Variants in CSNK1A1 observed in about 807,000 individuals in gnomAD.
CSNK1A1 encodes the protein casein kinase 1 alpha 1, also known as casein kinase I isoform alpha.
A neutral mutation model predicts 46.1 loss-of-function variants in CSNK1A1; 7 were observed. The ratio of observed to expected loss-of-function variants is 0.15; its 90% CI spans 0.09 to 0.29. The LOEUF (loss-of-function observed/expected upper bound fraction) is 0.29, where lower values mean the gene tolerates loss of function less well. Ranked by LOEUF, CSNK1A1 falls within the 10% of genes least tolerant of loss-of-function variation. CSNK1A1 has a pLI of 1.00. For missense variants in CSNK1A1, 96 were observed against 417.1 expected, an observed-to-expected ratio of 0.23 and a Z score of 6.71; for synonymous variants, 137 against 141.5, an observed-to-expected ratio of 0.97 and a Z score of 0.23.
chr5:149,511,524 T>C (rs1761223621), intron 6 of CSNK1A1, among the ~76,000 whole-genome samples: 1 of 152,224 alleles, frequency 6.6e-6, no homozygotes, highest in South Asian at 2.1e-4. Flanking sequence ...TCTTAGTCCA[T>C]GCCCACTTCC....
intron 9 of CSNK1A1, chr5:149,499,039 G>A: frequency 1.0e-6 from 1 of 985,412 alleles, no homozygotes; most frequent in Non-Finnish European, 1.2e-6. Flanking sequence ...TCAATGGTAT[G>A]ACATTCCAGC....
rs1448291097 is a variant in CSNK1A1 at position 149,550,525 on chromosome 5, AAC to A, written c.123+315_123+316del. ...TAGAATTAAGAATTAAAAAAAAAAA[AAC>A]ATGGGAATCACTGAAAGAGGATTTT... On this transcript the variant is annotated intron_variant, in intron 1 of 9. Transcript: ENST00000377843. This position sits in a 1 kb window ranked among gnomAD's most constrained non-coding sequence, Gnocchi z 4.3. Among the ~76,000 whole-genome samples, 736 of 152,048 alleles carry A rather than the reference AAC, an allele frequency of 4.8e-3. 6 individuals are homozygous for A. Among genetic ancestry groups the A allele is most frequent in the African/African-American group, 0.017 (708 of 41,458 alleles).
Position 149,496,634 on chromosome 5 carries a change from T to G in CSNK1A1, c.*219A>C. 4.4e-6 allele frequency: 2 copies of G among 458,812 alleles called. No homozygotes were observed. The highest frequency in any genetic ancestry group is 7.4e-6 in the Non-Finnish European group (2 of 271,950). 28.4% of individuals were successfully genotyped at this position (458,812 alleles called of 1,614,324 possible). On this transcript the variant is annotated 3_prime_UTR_variant, in exon 10 of 10. Coordinates refer to ENST00000377843, the MANE Select transcript of CSNK1A1 (RefSeq NM_001892.6). ...GAAAACCGGACACCATGTTTCACTA[T>G]CTCAGTTAATATTCACAATTACAGA...
chr5:149,511,901 T>TG lies in CSNK1A1; in HGVS notation c.597-30dup, dbSNP rs1469390419. 8 of 1,513,338 alleles carry TG rather than the reference T, an allele frequency of 5.3e-6. No homozygotes were observed. The African/African-American group carries it at 1.1e-4, about 21-fold the overall frequency. The allele number at this position is 1,513,338 out of a possible 1,614,324, so 93.7% of individuals were successfully genotyped here. ...GAAAAGAGAACGTAATTTTATAAAC[T>TG]GGAACTATTATTATGAAAAAACATA... On this transcript the variant is annotated intron_variant, in intron 5 of 9. Transcript: ENST00000377843.
At chr5:149,506,603 T>C (rs1761039249) in intron 8 of CSNK1A1, among the ~76,000 whole-genome samples, 1 of 152,142 alleles carries the variant, frequency 6.6e-6, no homozygotes, top group Non-Finnish European at 1.5e-5. Context: ...TTCCCCCCCC[T>C]TTTTCAAGAC....
At chr5:149,511,927 T>C (rs1045295470) in intron 5 of CSNK1A1, 55 bp from the exon 6 acceptor site, 2 of 1,365,086 alleles carry the variant, frequency 1.5e-6, no homozygotes, top group South Asian at 1.2e-5. Flanking sequence ...AAAAAACATA[T>C]GAAAGAAAGT....
chr5:149,529,243 G>A (rs1470208213), intron 2 of CSNK1A1, among the ~76,000 whole-genome samples: 1 of 151,880 alleles, frequency 6.6e-6, no homozygotes, highest in Non-Finnish European at 1.5e-5. Context: ...CTAAAACTAG[G>A]CTGAAGAATG....
chr5:149,522,417 T>C (rs1433296838), intron 3 of CSNK1A1, among the ~76,000 whole-genome samples: 1 of 152,234 alleles, frequency 6.6e-6, no homozygotes, highest in African/African-American at 2.4e-5. Flanking sequence ...AGCCTCTATC[T>C]TTTCTATAAG....
At position 149,502,143 on chromosome 5, in the gene CSNK1A1, AAAC is replaced by A; in HGVS notation, c.1006+3301_1006+3303del. The A allele has an allele frequency of 3.1e-6, 3 of 968,216 alleles. No homozygotes were observed. In the South Asian group the frequency reaches 1.4e-4, roughly 46 times the overall value. The allele number at this position is 968,216 out of a possible 1,614,324, so 60.0% of individuals were successfully genotyped here. ...TTTAAACATTCTTATTAAGTTATTA[AAAC>A]AACACCATTTTTACTGAAGAAATAT... On this transcript the variant is annotated intron_variant, in intron 9 of 9. Transcript: ENST00000377843.
At chr5:149,500,042 C>CACTA (rs1393332022) in intron 9 of CSNK1A1, among the ~76,000 whole-genome samples, 1 of 147,710 alleles carries the variant, frequency 6.8e-6, no homozygotes, top group African/African-American at 2.5e-5. Context: ...GATCTCCGCC[C>CACTA]ACTACAAGCT....
At chr5:149,520,101 GA>G (rs1761523971) in intron 4 of CSNK1A1, among the ~76,000 whole-genome samples, 188 bp downstream of exon 4, 1 of 152,178 alleles carries the variant, frequency 6.6e-6, no homozygotes, top group Non-Finnish European at 1.5e-5. Context: ...TGGGTAAGTT[GA>G]AGATAATTTA....
Position 149,517,928 on chromosome 5 carries a change from G to T in CSNK1A1, c.456+2362C>A. 1.7e-6 allele frequency: 2 copies of T among 1,184,820 alleles called. No individual in the cohort carries two copies. Among genetic ancestry groups the T allele is most frequent in the African/African-American group, 1.5e-5 (1 of 66,452 alleles). 73.4% of individuals were successfully genotyped at this position (1,184,820 alleles called of 1,614,324 possible). ...TGCATCAAACAGTATTGCTTACATT[G>T]CAACAATGGCCGGCGCAGACAGGCA... On this transcript the variant is annotated intron_variant, in intron 4 of 9. Coordinates refer to ENST00000377843, the MANE Select transcript of CSNK1A1 (RefSeq NM_001892.6). This position sits in a 1 kb window ranked among gnomAD's most constrained non-coding sequence, Gnocchi z 4.4.
chr5:149,506,981 A>G, intron 8 of CSNK1A1, 46 bp downstream of exon 8: 1 of 1,449,794 alleles, frequency 6.9e-7, no homozygotes, highest in Non-Finnish European at 9.5e-7. Context: ...AATTTAACCA[A>G]TTTCCCTCAC....
chr5:149,540,777 T>G (rs192489367), intron 2 of CSNK1A1, among the ~76,000 whole-genome samples: 1 of 151,962 alleles, frequency 6.6e-6, no homozygotes, highest in Non-Finnish European at 1.5e-5. Context: ...CACCAACATA[T>G]GCATTTGTCA....
rs948867513 is a variant in CSNK1A1 at position 149,525,287 on chromosome 5, C to A, written c.231-116G>T. 15 of 1,074,692 alleles carry A rather than the reference C, an allele frequency of 1.4e-5. No individual in the cohort carries two copies. Among genetic ancestry groups the A allele is most frequent in the Non-Finnish European group, 1.8e-5 (14 of 787,746 alleles). 66.6% of individuals were successfully genotyped at this position (1,074,692 alleles called of 1,614,324 possible). On this transcript the variant is annotated intron_variant, in intron 2 of 9. Transcript: ENST00000377843. The surrounding 1 kb of genome is among the most constrained non-coding windows in gnomAD (Gnocchi z 4.2). ...CTAGGTATTATATAAGGCGAATGTT[C>A]CCCTACTCAGAAGACAAACCCACTA...
At chr5:149,502,623 C>G in intron 9 of CSNK1A1, 1 of 948,722 alleles carries the variant, frequency 1.1e-6, no homozygotes, top group Non-Finnish European at 1.3e-6. Flanking sequence ...ATTCTCCCAC[C>G]TCAGCCTCCC....
chr5:149,541,982 A>AAG (rs1249033566), intron 2 of CSNK1A1, among the ~76,000 whole-genome samples: 6 of 150,998 alleles, frequency 4.0e-5, no homozygotes, highest in Non-Finnish European at 8.9e-5. Context: ...AAAAAAAAAA[A>AAG]AAAAAAAAAA....
chr5:149,520,134 G>A (rs1260225919), intron 4 of CSNK1A1, among the ~76,000 whole-genome samples, 156 bp downstream of exon 4: 1 of 152,160 alleles, frequency 6.6e-6, no homozygotes, highest in Admixed American at 6.5e-5. Flanking sequence ...TAAGTTAATG[G>A]AGTTAGCTGA....
chr5:149,529,946 A>G (rs866583963), intron 2 of CSNK1A1, among the ~76,000 whole-genome samples: 30 of 151,622 alleles, frequency 2.0e-4, no homozygotes, highest in African/African-American at 3.2e-4. Flanking sequence ...AGTATTTGAG[A>G]AAAAAAATAC....
Sources: gnomAD v4.1 joint callset for allele counts (sites outside exome capture counted in the v4.1 genomes callset) on GRCh38, gnomAD v4.1.1 for gene constraint, Gnocchi (gnomAD v3.1) non-coding constraint, MANE v1.5 for transcripts, NCBI Gene and HGNC (gene_info 2026-07-23, HGNC 2026-07-21) for gene names.